SRRD: variants seen among roughly 807,000 people sequenced by gnomAD.
SRRD encodes the protein SRR1 domain containing, also known as SRR1-like protein.
SRRD carries 28 observed loss-of-function variants against 30.7 expected under a neutral mutation model. That is an observed-to-expected ratio of 0.91 (90% CI 0.68 to 1.25). The LOEUF (loss-of-function observed/expected upper bound fraction) is 1.25. Ranked by LOEUF, SRRD falls within the 50% of genes most tolerant of loss-of-function variation. The pLI is 0.00. For missense variants in SRRD, 415 were observed against 417.3 expected, an observed-to-expected ratio of 0.99 and a Z score of 0.05; for synonymous variants, 161 against 159.6, an observed-to-expected ratio of 1.01 and a Z score of -0.07.
At position 26,490,052 on chromosome 22, in the gene SRRD, A is replaced by T; in HGVS notation, c.618A>T (p.Lys206Asn). The T allele has an allele frequency of 6.2e-7, 1 of 1,614,000 alleles. No individual in the cohort carries two copies. The highest frequency in any genetic ancestry group is 8.5e-7 in the Non-Finnish European group (1 of 1,179,890). ...VTVLSENEEG[K>N]RSIRGEPTIF... ...GAATATCGTATCCCCAGGAAGGGAA[A>T]CGGAGTATTCGCGGGGAGCCTACCA... Residue 206 changes from lysine to asparagine, a missense_variant, in exon 5 of 7, where the codon AAA (lysine) becomes AAT (asparagine). Coordinates refer to ENST00000215917, the MANE Select transcript of SRRD (RefSeq NM_001013694.3).
At chr22:26,490,559 C>CCTTTTTTT (rs1182177256) in intron 5 of SRRD, among the ~76,000 whole-genome samples, 5 of 51,832 alleles carry the variant, frequency 9.6e-5, no homozygotes, top group Non-Finnish European at 1.0e-4. Context: ...GGAATATTTG[C>CCTTTTTTT]TTTTTTTTTT....
In SRRD at chr22:26,491,007, GT is replaced by G. The variant is rs756894644; in HGVS notation, c.765-10del. On this transcript the variant is annotated splice_polypyrimidine_tract_variant and intron_variant, in intron 5 of 6. Coordinates refer to ENST00000215917, the MANE Select transcript of SRRD (RefSeq NM_001013694.3). ...ATGGTGTTTTTTTTTTGTTTTTTTGGTTTTTTTTAATTTCTAGGTTGTTGGC... is the reference window on the plus strand; with the variant it reads ...ATGGTGTTTTTTTTTTGTTTTTTTGGTTTTTTTAATTTCTAGGTTGTTGGC... 2.2e-5 allele frequency: 35 copies of G among 1,589,094 alleles called. No individual in the cohort carries two copies. Among genetic ancestry groups the G allele is most frequent in the Non-Finnish European group, 2.7e-5 (32 of 1,167,686 alleles).
rs1167879302 is a variant in SRRD at position 26,491,978 on chromosome 22, G to A, written c.*306G>A. ...TTATTTACAGTACATCCCTCTTAGG[G>A]GCAAGTCTCTGACTGGTTCTGGACC... On this transcript the variant is annotated 3_prime_UTR_variant, in exon 7 of 7. Coordinates refer to ENST00000215917, the MANE Select transcript of SRRD (RefSeq NM_001013694.3). 2 of 1,544,380 alleles carry A rather than the reference G, an allele frequency of 1.3e-6. No individual in the cohort carries two copies. The highest frequency in any genetic ancestry group is 1.8e-6 in the Non-Finnish European group (2 of 1,138,240).
intron 4 of SRRD, among the ~76,000 whole-genome samples, chr22:26,489,380 A>G (rs903600226): frequency 2.0e-5 from 3 of 152,040 alleles, no homozygotes; most frequent in Admixed American, 6.6e-5. Flanking sequence ...GGAGGGATGG[A>G]GGAAGGATTC....
chr22:26,488,428 T>A lies in SRRD; in HGVS notation c.549T>A (p.Phe183Leu). 1.2e-6 allele frequency: 2 copies of A among 1,614,202 alleles called. No homozygotes were observed. The highest frequency in any genetic ancestry group is 8.5e-7 in the Non-Finnish European group (1 of 1,180,008). ...ACTGTTGGGTATATGACCCTCTGTT[T>A]AGCCAACTTGAAATTGAAGTCCTTA... ...RSHCWVYDPLFSQLEIEVLNT... is the reference protein window; with the variant it reads ...RSHCWVYDPLLSQLEIEVLNT... Residue 183 changes from phenylalanine to leucine, a missense_variant, in exon 4 of 7, where the codon TTT (phenylalanine) becomes TTA (leucine). Transcript: ENST00000215917.
At chr22:26,485,312 C>G (rs745817757) in intron 1 of SRRD, among the ~76,000 whole-genome samples, 1 of 152,204 alleles carries the variant, frequency 6.6e-6, no homozygotes, top group Non-Finnish European at 1.5e-5. Flanking sequence ...TTCCTGTGTA[C>G]ATCAGAACTC....
At chr22:26,484,139 T>C (rs2091634191) in intron 1 of SRRD, 40 bp downstream of exon 1, 3 of 1,511,128 alleles carry the variant, frequency 2.0e-6, no homozygotes, top group Non-Finnish European at 2.7e-6. Flanking sequence ...TTTGCGCCCA[T>C]GGGCAATTCT....
At chr22:26,486,148 G>A in intron 2 of SRRD, 85 bp downstream of exon 2, 6 of 1,569,730 alleles carry the variant, frequency 3.8e-6, no homozygotes, top group Non-Finnish European at 4.4e-6. Context: ...TTCACAGAGG[G>A]ATAACTTGCT....
At chr22:26,487,836 T>C (rs2041800268) in intron 2 of SRRD, 193 bp from the exon 3 acceptor site, 1 of 591,474 alleles carries the variant, frequency 1.7e-6, no homozygotes, top group African/African-American at 1.9e-5. Context: ...GTTTGTCAAT[T>C]GGTGGTGAAT....
In SRRD at chr22:26,484,040, C is replaced by T. The variant is rs371251054; in HGVS notation, c.150C>T (p.Gly50=). 4.8e-3 allele frequency: 6,389 copies of T among 1,336,880 alleles called. 31 individuals are homozygous for T. Among genetic ancestry groups the T allele is most frequent in the Non-Finnish European group, 5.4e-3 (5,549 of 1,036,754 alleles). The allele number at this position is 1,336,880 out of a possible 1,614,324, so 82.8% of individuals were successfully genotyped here. ...GGGGGAGAGAGGCGGCGCCCCGGGG[C>T]CCCGAGGCGGAGTTCGAGTCTGACA... is the stretch of plus-strand genomic sequence containing the variant. ...APRGREAAPR[G]PEAEFESDSG... The change falls in exon 1 of 7, where the codon GGC becomes GGT. Residue 50 remains glycine (G), a synonymous_variant. Coordinates refer to ENST00000215917, the MANE Select transcript of SRRD (RefSeq NM_001013694.3).
intron 5 of SRRD, 39 bp from the exon 6 acceptor site, chr22:26,490,984 GGT>G (rs866230678): frequency 6.9e-7 from 1 of 1,445,090 alleles, no homozygotes. Flanking sequence ...TCCTAATCAT[GGT>G]GTTTTTTTTT....
chr22:26,484,034 C>G lies in SRRD; in HGVS notation c.144C>G (p.Pro48=). The G allele has an allele frequency of 6.9e-7, 1 of 1,439,162 alleles. No individual in the cohort carries two copies. The highest frequency in any genetic ancestry group is 9.1e-7 in the Non-Finnish European group (1 of 1,100,332). The allele number at this position is 1,439,162 out of a possible 1,614,324, so 89.1% of individuals were successfully genotyped here. Reference sequence around the variant, plus strand: ...CGCCCCGGGGGAGAGAGGCGGCGCCCCGGGGCCCCGAGGCGGAGTTCGAGT... The same window carrying G: ...CGCCCCGGGGGAGAGAGGCGGCGCCGCGGGGCCCCGAGGCGGAGTTCGAGT... ...EAAPRGREAA[P]RGPEAEFESD... The change falls in exon 1 of 7, where the codon CCC becomes CCG. Residue 48 remains proline, a synonymous_variant. Transcript: ENST00000215917.
chr22:26,491,954 T>C lies in SRRD; in HGVS notation c.*282T>C. ...TTGAAGGTGATCTAAAAATACTGTT[T>C]ATTTACAGTACATCCCTCTTAGGGG... On this transcript the variant is annotated 3_prime_UTR_variant, in exon 7 of 7. Coordinates refer to ENST00000215917, the MANE Select transcript of SRRD (RefSeq NM_001013694.3). 1.4e-6 allele frequency: 2 copies of C among 1,444,812 alleles called. No homozygotes were observed. Among genetic ancestry groups the C allele is most frequent in the South Asian group, 1.3e-5 (1 of 78,202 alleles). The allele number at this position is 1,444,812 out of a possible 1,614,324, so 89.5% of individuals were successfully genotyped here.
chr22:26,488,357 G>A (rs773908948), intron 3 of SRRD, 33 bp from the exon 4 acceptor site: 5 of 1,613,418 alleles, frequency 3.1e-6, no homozygotes, highest in Non-Finnish European at 4.2e-6. Flanking sequence ...CAGATGTTTG[G>A]GTTGAAGTAA....
In SRRD at chr22:26,488,140, A is replaced by T; in HGVS notation, c.362A>T (p.Asp121Val). The T allele has an allele frequency of 6.2e-7, 1 of 1,614,222 alleles. No individual in the cohort carries two copies. The highest frequency in any genetic ancestry group is 8.5e-7 in the Non-Finnish European group (1 of 1,180,038). ...LHLDSLPEES[D>V]VATDSIPREI... is the part of the protein sequence containing the mutation. ...CTTGACTCATTGCCAGAGGAGTCAGATGTGGCCACTGATTCTATCCCAAGA... is the reference window on the plus strand; with the variant it reads ...CTTGACTCATTGCCAGAGGAGTCAGTTGTGGCCACTGATTCTATCCCAAGA... The change falls in exon 3 of 7, where the codon GAT becomes GTT. Residue 121 changes from aspartate to valine, a missense_variant. Coordinates refer to ENST00000215917, the MANE Select transcript of SRRD (RefSeq NM_001013694.3).
chr22:26,492,265 AGCCTCCC>A lies in SRRD; in HGVS notation c.*599_*605del. ...CAATGCCCCTCTGAGCCATGTTCTCAGCCTCCCGCCTCTCCTGCATGGCCTCGTACTG... is the reference window on the plus strand; with the variant it reads ...CAATGCCCCTCTGAGCCATGTTCTCAGCCTCTCCTGCATGGCCTCGTACTG... On this transcript the variant is annotated 3_prime_UTR_variant, in exon 7 of 7. Coordinates refer to ENST00000215917, the MANE Select transcript of SRRD (RefSeq NM_001013694.3). The A allele has an allele frequency of 6.2e-7, 1 of 1,614,212 alleles. No individual in the cohort carries two copies. Among genetic ancestry groups the A allele is most frequent in the Non-Finnish European group, 8.5e-7 (1 of 1,180,024 alleles).
In SRRD at chr22:26,483,904, C is replaced by A. The variant is rs1283087580; in HGVS notation, c.14C>A (p.Ala5Glu). 7.4e-7 allele frequency: 1 copy of A among 1,348,178 alleles called. No homozygotes were observed. The highest frequency in any genetic ancestry group is 9.4e-7 in the Non-Finnish European group (1 of 1,060,014). 83.5% of individuals were successfully genotyped at this position (1,348,178 alleles called of 1,614,324 possible). A position where few individuals can be genotyped will look rare whatever the true frequency, so the allele number is the denominator to read the frequency against. MAAA[A>E]AAALESWQAA... is the part of the protein sequence containing the mutation. ...CGTCAGAGACCAATGGCTGCGGCCG[C>A]AGCTGCGGCGCTGGAATCCTGGCAG... is the stretch of plus-strand genomic sequence containing the variant. Residue 5 changes from alanine (A) to glutamate (E), a missense_variant, in exon 1 of 7, where the codon GCA becomes GAA. Transcript: ENST00000215917.
intron 1 of SRRD, among the ~76,000 whole-genome samples, chr22:26,484,945 A>C (rs184881726): frequency 1.7e-4 from 26 of 152,320 alleles, no homozygotes; most frequent in Admixed American, 2.6e-4. Context: ...AAATTAGATT[A>C]ATTTTGTGTG....
At position 26,491,546 on chromosome 22, in the gene SRRD, C is replaced by A. The variant is rs1273472324; in HGVS notation, c.894C>A (p.Phe298Leu). ...TTAATGATACCTCTGTCCACTGGTT[C>A]CCTGTGCAAAAGCTAGAACAGCTCT... Reference protein sequence around the residue: ...DIFNDTSVHWFPVQKLEQLSI... With the variant: ...DIFNDTSVHWLPVQKLEQLSI... The change falls in exon 7 of 7, where the codon TTC becomes TTA. Residue 298 changes from phenylalanine (F) to leucine (L), a missense_variant. Phe to Leu is a conservative substitution (Grantham distance 22). Transcript: ENST00000215917. The A allele has an allele frequency of 6.2e-7, 1 of 1,613,962 alleles. No homozygotes were observed. The highest frequency in any genetic ancestry group is 2.2e-5 in the East Asian group (1 of 44,898).
Sources: allele counts gnomAD v4.1 joint callset (sites outside exome capture counted in the v4.1 genomes callset), GRCh38; gene constraint gnomAD v4.1.1; transcripts MANE v1.5; gene names NCBI Gene and HGNC (gene_info 2026-07-23, HGNC 2026-07-21).